The following TMEM144 variants were observed in gnomAD, a reference collection of about 807,000 sequenced individuals.
TMEM144 encodes transmembrane protein 144.
Under a neutral mutation model 43.6 loss-of-function variants are expected in TMEM144, and 39 were observed. That is an observed-to-expected ratio of 0.90 (90% confidence interval 0.69 to 1.17). The LOEUF (loss-of-function observed/expected upper bound fraction) is 1.17. TMEM144 is among the 50% of genes most tolerant of loss of function. TMEM144 has a pLI of 0.00. For missense variants in TMEM144, 417 were observed against 411.9 expected, an observed-to-expected ratio of 1.01 and a Z score of -0.11; for synonymous variants, 154 against 133.6, an observed-to-expected ratio of 1.15 and a Z score of -1.06.
At chr4:158,236,990 T>C (rs1446148477) in intron 8 of TMEM144, among the ~76,000 whole-genome samples, 3 of 152,206 alleles carry the variant, frequency 2.0e-5, no homozygotes, top group Non-Finnish European at 2.9e-5. Flanking sequence ...ACCCAGATTA[T>C]TTAATTAAAT....
chr4:158,236,032 C>T (rs978595549), intron 8 of TMEM144, among the ~76,000 whole-genome samples: 1 of 152,084 alleles, frequency 6.6e-6, no homozygotes. Context: ...AACATCAGCC[C>T]CTCTACTTTA....
At chr4:158,224,959 C>T (rs1021219962) in intron 6 of TMEM144, among the ~76,000 whole-genome samples, 1 of 152,190 alleles carries the variant, frequency 6.6e-6, no homozygotes, top group Non-Finnish European at 1.5e-5. Flanking sequence ...ATACCGAGAG[C>T]AAGGTGGCAG....
intron 6 of TMEM144, among the ~76,000 whole-genome samples, chr4:158,229,201 G>A (rs1734935333): frequency 6.6e-6 from 1 of 152,094 alleles, no homozygotes; most frequent in Non-Finnish European, 1.5e-5. Context: ...TCCCTTTTCT[G>A]AGTATAAAAC....
At chr4:158,228,706 C>T (rs981350667) in intron 6 of TMEM144, among the ~76,000 whole-genome samples, 12 of 152,144 alleles carry the variant, frequency 7.9e-5, no homozygotes, top group African/African-American at 1.9e-4. Flanking sequence ...GGAGCTGCAT[C>T]GACCATCTGC....
intron 12 of TMEM144, among the ~76,000 whole-genome samples, chr4:158,249,921 T>TGTGTGTGTGC (rs1736106331): frequency 7.3e-6 from 1 of 136,990 alleles, no homozygotes; most frequent in Non-Finnish European, 1.6e-5. Context: ...TGTGTGTGTG[T>TGTGTGTGTGC]GTGTGTGTGT....
chr4:158,245,046 T>C (rs965267406), intron 12 of TMEM144, among the ~76,000 whole-genome samples: 13 of 152,176 alleles, frequency 8.5e-5, no homozygotes, highest in Non-Finnish European at 1.9e-4. Context: ...AGGTAAATCA[T>C]CTTTGGGAAT....
At chr4:158,237,082 G>A (rs191621057) in intron 8 of TMEM144, among the ~76,000 whole-genome samples, 38 of 152,270 alleles carry the variant, frequency 2.5e-4, no homozygotes, top group African/African-American at 7.9e-4. Context: ...CAACAAAAAT[G>A]CATTTAGTAC....
rs765843067 is a variant in TMEM144, at chr4:158,240,411, C to T, written c.795C>T (p.Val265=). ...KNSPKLYPEA[V]LPGFLSGVLW... ...GTCCTAAACTATATCCTGAAGCAGTCCTACCAGGTAAGAATATGTACTACA... is the reference window on the plus strand; with the variant it reads ...GTCCTAAACTATATCCTGAAGCAGTTCTACCAGGTAAGAATATGTACTACA... The change falls in exon 10 of 13, where the codon GTC becomes GTT. Residue 265 remains valine, a synonymous_variant. Coordinates refer to ENST00000296529, the MANE Select transcript of TMEM144 (RefSeq NM_018342.5). 6.2e-7 allele frequency: 1 copy of T among 1,608,380 alleles called. No individual in the cohort carries two copies. The highest frequency in any genetic ancestry group is 8.5e-7 in the Non-Finnish European group (1 of 1,178,162).
chr4:158,215,218 C>G lies in TMEM144; in HGVS notation c.137C>G (p.Ala46Gly). 5 of 1,613,818 alleles carry G rather than the reference C, an allele frequency of 3.1e-6. No individual in the cohort carries two copies. The highest frequency in any genetic ancestry group is 4.2e-6 in the Non-Finnish European group (5 of 1,179,784). Residue 46 changes from alanine to glycine, a missense_variant, in exon 4 of 13, where the codon GCT becomes GGT. Coordinates refer to ENST00000296529, the MANE Select transcript of TMEM144 (RefSeq NM_018342.5). The part of the protein sequence containing the change: ...DGMFLQWVLC[A>G]AIWLVALVVN... Reference sequence around the variant, plus strand: ...ATGTTTCTCCAGTGGGTTCTTTGTGCTGCCATATGGTTGGTTGCCTTGGTT... The same window carrying G: ...ATGTTTCTCCAGTGGGTTCTTTGTGGTGCCATATGGTTGGTTGCCTTGGTT...
chr4:158,214,771 C>T (rs1734133784), intron 3 of TMEM144, among the ~76,000 whole-genome samples: 1 of 152,158 alleles, frequency 6.6e-6, no homozygotes, highest in Non-Finnish European at 1.5e-5. Flanking sequence ...TATTCCGAAG[C>T]ACTTACTGCC....
Position 158,237,575 on chromosome 4 carries a change from T to C in TMEM144, c.614T>C (p.Val205Ala), listed in dbSNP as rs373232139. 1 of 1,614,036 alleles carries C rather than the reference T, an allele frequency of 6.2e-7. No individual in the cohort carries two copies. The highest frequency in any genetic ancestry group is 1.1e-5 in the South Asian group (1 of 91,072). Reference protein sequence around the residue: ...ISGVLYGSTFVPIIYIKDHSK... With the variant: ...ISGVLYGSTFAPIIYIKDHSK... ...GGAGTACTCTATGGATCTACATTTG[T>C]GCCAATCATCTACATCAAGGACCAC... is the stretch of plus-strand genomic sequence containing the variant. Residue 205 changes from valine (V) to alanine (A), a missense_variant, in exon 9 of 13, where the codon GTG (valine) becomes GCG (alanine). Coordinates refer to ENST00000296529, the MANE Select transcript of TMEM144 (RefSeq NM_018342.5).
chr4:158,225,211 A>G (rs541123997), intron 6 of TMEM144, among the ~76,000 whole-genome samples: 1 of 152,170 alleles, frequency 6.6e-6, no homozygotes, highest in Admixed American at 6.5e-5. Context: ...AACCCTGTCT[A>G]GTTGTTTTTT....
At chr4:158,216,178 T>G (rs766158556) in intron 4 of TMEM144, among the ~76,000 whole-genome samples, 75 of 152,132 alleles carry the variant, frequency 4.9e-4, no homozygotes, top group Non-Finnish European at 1.0e-4. Flanking sequence ...AGACTAAGCA[T>G]CCATCCATCC....
intron 4 of TMEM144, among the ~76,000 whole-genome samples, chr4:158,215,756 G>A (rs1734190990): frequency 6.6e-6 from 1 of 152,114 alleles, no homozygotes; most frequent in Admixed American, 6.5e-5. Context: ...TAACAGAAAA[G>A]CAAAGCAAAC....
At chr4:158,242,647 A>G (rs1735687589) in intron 11 of TMEM144, among the ~76,000 whole-genome samples, 1 of 152,154 alleles carries the variant, frequency 6.6e-6, no homozygotes, top group Non-Finnish European at 1.5e-5. Flanking sequence ...TTATTAGCAA[A>G]TAACATTCCA....
At chr4:158,226,232 G>C (rs932981299) in intron 6 of TMEM144, among the ~76,000 whole-genome samples, 1 of 152,140 alleles carries the variant, frequency 6.6e-6, no homozygotes, top group African/African-American at 2.4e-5. Context: ...CTTTATATTA[G>C]TGTGTTATTA....
Position 158,244,278 on chromosome 4 carries a change from T to G in TMEM144, c.901-18T>G, listed in dbSNP as rs75253435. On this transcript the variant is annotated intron_variant, in intron 11 of 12. Coordinates refer to ENST00000296529, the MANE Select transcript of TMEM144 (RefSeq NM_018342.5). ...AGGTAAATATCCAATTTAATTAAAA[T>G]TTATATTTTTATTTAAGGGTCCAGG... 1.4e-3 allele frequency: 2,193 copies of G among 1,552,078 alleles called. 25 individuals are homozygous for G. The African/African-American group carries it at 0.025, about 18-fold the overall frequency.
chr4:158,221,080 C>A (rs1001232732), intron 6 of TMEM144, among the ~76,000 whole-genome samples: 3 of 152,136 alleles, frequency 2.0e-5, no homozygotes, highest in Non-Finnish European at 4.4e-5. Context: ...ATTATTGCTT[C>A]TATCCTCTGT....
chr4:158,235,378 A>G, intron 7 of TMEM144, 60 bp from the exon 8 acceptor site: 2 of 1,549,516 alleles, frequency 1.3e-6, no homozygotes, highest in Middle Eastern at 1.7e-4. Flanking sequence ...AAATATTGTC[A>G]CCAGTGTGAT....
Sources: allele counts gnomAD v4.1 joint callset (sites outside exome capture counted in the v4.1 genomes callset), GRCh38; gene constraint gnomAD v4.1.1; transcripts MANE v1.5; gene names NCBI Gene and HGNC (gene_info 2026-07-23, HGNC 2026-07-21).